Variants in TBL1XR1 observed in about 807,000 individuals in gnomAD.
TBL1XR1 encodes the protein TBL1X/Y related 1.
Under a neutral mutation model 66.9 loss-of-function variants are expected in TBL1XR1, and 5 were observed. The ratio of observed to expected loss-of-function variants is 0.07; its 90% confidence interval spans 0.04 to 0.16. The LOEUF (loss-of-function observed/expected upper bound fraction) is 0.16, where lower values mean the gene tolerates loss of function less well. Among genes scored for constraint, TBL1XR1 ranks in the 10% least tolerant of loss-of-function variants. TBL1XR1 has a pLI of 1.00. For synonymous variants in TBL1XR1, 210 were observed against 206.0 expected (o/e 1.02, Z -0.17); for missense variants, 238 against 623.2 (o/e 0.38, Z 6.58).
At position 177,133,707 on chromosome 3, in the gene TBL1XR1, G is replaced by A. The variant is rs6801986; in HGVS notation, c.-121-35166C>T. ...ATTTGAGGTCAGGAGTTCGAGACCA[G>A]CCTGGCCAACATGGTGAAACCCCAT... is the stretch of plus-strand genomic sequence containing the variant. On this transcript the variant is annotated intron_variant, in intron 1 of 15. Transcript: ENST00000457928. Among the ~76,000 whole-genome samples, 1,511 of 152,012 alleles carry A rather than the reference G, an allele frequency of 9.9e-3. 28 individuals are homozygous for A. Among genetic ancestry groups the A allele is most frequent in the African/African-American group, 0.035 (1,436 of 41,440 alleles).
chr3:177,133,959 T>C (rs1379599611), intron 1 of TBL1XR1, among the ~76,000 whole-genome samples: 3 of 152,046 alleles, frequency 2.0e-5, no homozygotes, highest in Non-Finnish European at 2.9e-5. Context: ...GCTTTTGCTT[T>C]AGAGAAACTA....
intron 1 of TBL1XR1, among the ~76,000 whole-genome samples, chr3:177,100,261 C>G (rs1478069169): frequency 2.0e-5 from 3 of 152,110 alleles, no homozygotes; most frequent in Non-Finnish European, 4.4e-5. Flanking sequence ...AAACTCCCAA[C>G]ATAAGTAAAA....
chr3:177,034,106 C>A, intron 13 of TBL1XR1, 92 bp downstream of exon 13: 13 of 1,308,932 alleles, frequency 9.9e-6, no homozygotes, highest in South Asian at 4.2e-5. Flanking sequence ...AAAGTTTCCA[C>A]TTCATGAAAT....
intron 2 of TBL1XR1, among the ~76,000 whole-genome samples, chr3:177,090,724 T>C (rs902450552): frequency 7.9e-5 from 12 of 151,814 alleles, no homozygotes; most frequent in African/African-American, 2.7e-4. Context: ...GGCAAGAGAA[T>C]CACTTGAAGA....
At chr3:177,172,277 A>AAAT (rs1358859120) in intron 1 of TBL1XR1, among the ~76,000 whole-genome samples, 1 of 151,724 alleles carries the variant, frequency 6.6e-6, no homozygotes, top group Non-Finnish European at 1.5e-5. Context: ...AAAAAAAAAA[A>AAAT]AAATTATAAC....
intron 1 of TBL1XR1, among the ~76,000 whole-genome samples, chr3:177,103,680 T>C (rs1724514391): frequency 6.6e-6 from 1 of 152,170 alleles, no homozygotes; most frequent in South Asian, 2.1e-4. Flanking sequence ...GCCCTTTTCC[T>C]AGACAAAGGT....
intron 1 of TBL1XR1, among the ~76,000 whole-genome samples, chr3:177,155,468 ATGT>A (rs1326030521): frequency 6.6e-6 from 1 of 152,190 alleles, no homozygotes; most frequent in Middle Eastern, 3.2e-3. Flanking sequence ...TTTTTGATCT[ATGT>A]TGTTCTGTAT....
intron 1 of TBL1XR1, among the ~76,000 whole-genome samples, chr3:177,172,716 C>CG (rs1243047092): frequency 9.5e-5 from 14 of 146,678 alleles, no homozygotes; most frequent in East Asian, 8.1e-4. Context: ...AGAGAAGAGC[C>CG]AAGCCGAGCC....
chr3:177,050,658 A>G lies in TBL1XR1; in HGVS notation c.428-48T>C, dbSNP rs376058920. 1.4e-5 allele frequency: 22 copies of G among 1,607,880 alleles called. No individual in the cohort carries two copies. In the African/African-American group the frequency reaches 1.6e-4, roughly 12 times the overall value. ...GCATTTCCAGTTAGGCAGTATTACA[A>G]CATGGTGGATGGGTGATTTCTTAAC... On this transcript the variant is annotated intron_variant, in intron 5 of 15. Transcript: ENST00000457928.
At chr3:177,120,118 C>T (rs1185242962) in intron 1 of TBL1XR1, among the ~76,000 whole-genome samples, 3 of 152,110 alleles carry the variant, frequency 2.0e-5, no homozygotes, top group Admixed American at 2.0e-4. Context: ...AATTGATAAC[C>T]TTAACTTCTC....
intron 1 of TBL1XR1, among the ~76,000 whole-genome samples, chr3:177,185,678 T>G (rs530006684): frequency 2.4e-4 from 37 of 151,712 alleles, no homozygotes; most frequent in African/African-American, 7.2e-4. Context: ...GGTCCCTTAT[T>G]AACAAAAAAA....
intron 2 of TBL1XR1, 126 bp from the exon 3 acceptor site, chr3:177,065,148 T>C: frequency 5.7e-6 from 3 of 526,764 alleles, no homozygotes; most frequent in Non-Finnish European, 9.1e-6. Flanking sequence ...TGCCTAATAA[T>C]AAAACCTGAC....
rs1712676447 is a variant in TBL1XR1, at chr3:177,023,598, T to C, written c.*1900A>G. 6.6e-6 allele frequency: 1 copy of C among 152,548 alleles called. No homozygotes were observed. Among genetic ancestry groups the C allele is most frequent in the Non-Finnish European group, 1.5e-5 (1 of 67,956 alleles). The allele number at this position is 152,548 out of a possible 1,614,324, so 9.4% of individuals were successfully genotyped here. A position where few individuals can be genotyped will look rare whatever the true frequency, so the allele number is the denominator to read the frequency against. ...CCACTAACAACAACTGGGGTACATA[T>C]AACAATGTATTGTGAAATTAAGTGT... On this transcript the variant is annotated 3_prime_UTR_variant, in exon 16 of 16. Transcript: ENST00000457928.
chr3:177,104,131 G>GAGAC (rs57518430), intron 1 of TBL1XR1, among the ~76,000 whole-genome samples: 3 of 87,660 alleles, frequency 3.4e-5, no homozygotes, highest in Non-Finnish European at 7.6e-5. Flanking sequence ...AAAAAAAAAA[G>GAGAC]AGAGAGAGAG....
At chr3:177,054,684 A>G (rs1475661286) in intron 3 of TBL1XR1, among the ~76,000 whole-genome samples, 1 of 152,182 alleles carries the variant, frequency 6.6e-6, no homozygotes, top group Non-Finnish European at 1.5e-5. Flanking sequence ...CATAACGGTT[A>G]AATCTCATTT....
intron 1 of TBL1XR1, among the ~76,000 whole-genome samples, chr3:177,102,476 T>A (rs1191610548): frequency 6.6e-6 from 1 of 152,204 alleles, no homozygotes; most frequent in African/African-American, 2.4e-5. Flanking sequence ...CACCACGTAA[T>A]TAAAATAAAC....
chr3:177,061,393 C>A (rs1718497936), intron 3 of TBL1XR1, among the ~76,000 whole-genome samples: 1 of 152,144 alleles, frequency 6.6e-6, no homozygotes, highest in South Asian at 2.1e-4. Flanking sequence ...ACAGTCAACA[C>A]TGAACAATAT....
At chr3:177,083,769 TTTTTTG>T (rs552593305) in intron 2 of TBL1XR1, among the ~76,000 whole-genome samples, 18 of 152,012 alleles carry the variant, frequency 1.2e-4, no homozygotes, top group Non-Finnish European at 2.2e-4. Context: ...GTAATGGTTT[TTTTTTG>T]TTTTTGTTTT....
chr3:177,110,448 A>G (rs1025382693), intron 1 of TBL1XR1, among the ~76,000 whole-genome samples: 53 of 152,226 alleles, frequency 3.5e-4, no homozygotes, highest in Non-Finnish European at 4.4e-4. Flanking sequence ...GAAAAATAAC[A>G]AAACACAAAC....
Sources: gnomAD v4.1 joint callset for allele counts (sites outside exome capture counted in the v4.1 genomes callset) on GRCh38, gnomAD v4.1.1 for gene constraint, MANE v1.5 for transcripts, NCBI Gene and HGNC (gene_info 2026-07-23, HGNC 2026-07-21) for gene names.